Variants in ADAMTS18 observed in about 807,000 individuals in gnomAD.
ADAMTS18 encodes ADAM metallopeptidase with thrombospondin type 1 motif 18, also known as A disintegrin and metalloproteinase with thrombospondin motifs 18.
In ADAMTS18, 157 loss-of-function variants were observed where a neutral mutation model predicts 165.9. The ratio of observed to expected loss-of-function variants is 0.95; its 90% CI spans 0.83 to 1.08. ADAMTS18 has a LOEUF of 1.08. ADAMTS18 is among the 50% of genes least tolerant of loss of function. The probability of loss-of-function intolerance (pLI) is 0.00; values close to 1 mark genes in which losing one functional copy is unlikely to be tolerated. For missense variants in ADAMTS18, 2,040 were observed against 1,534.0 expected (o/e 1.33, Z -5.51); for synonymous variants, 782 against 578.2 (o/e 1.35, Z -5.06).
At chr16:77,332,914 T>G (rs1170862306) in intron 12 of ADAMTS18, among the ~76,000 whole-genome samples, 2 of 152,210 alleles carry the variant, frequency 1.3e-5, no homozygotes, top group East Asian at 3.9e-4. Context: ...TTTCCGTATT[T>G]CTGGTTTCTC....
chr16:77,400,973 T>C (rs2057324105), intron 3 of ADAMTS18, among the ~76,000 whole-genome samples: 1 of 152,042 alleles, frequency 6.6e-6, no homozygotes, highest in African/African-American at 2.4e-5. Flanking sequence ...AGAAACCAAA[T>C]TGCCAGGCAT....
intron 3 of ADAMTS18, among the ~76,000 whole-genome samples, chr16:77,389,572 G>C (rs1188672422): frequency 6.6e-6 from 1 of 152,178 alleles, no homozygotes; most frequent in Non-Finnish European, 1.5e-5. Flanking sequence ...AGGGTAGTCA[G>C]TTTCTTACCA....
chr16:77,375,599 G>C (rs77340045), intron 3 of ADAMTS18, among the ~76,000 whole-genome samples: 1 of 152,160 alleles, frequency 6.6e-6, no homozygotes, highest in Non-Finnish European at 1.5e-5. Flanking sequence ...GGAGCGGAAG[G>C]GGTGGTGAGA....
intron 3 of ADAMTS18, among the ~76,000 whole-genome samples, chr16:77,385,862 G>C (rs552659407): frequency 1.3e-5 from 2 of 152,006 alleles, no homozygotes; most frequent in East Asian, 1.9e-4. Context: ...CCTGCCTTGA[G>C]GTAAAACAAA....
intron 3 of ADAMTS18, among the ~76,000 whole-genome samples, chr16:77,389,024 G>A (rs1405593613): frequency 1.3e-5 from 2 of 152,206 alleles, no homozygotes; most frequent in African/African-American, 4.8e-5. Context: ...AGTAGGCTGG[G>A]CACAGTGGCT....
intron 2 of ADAMTS18, among the ~76,000 whole-genome samples, chr16:77,431,959 T>C (rs112596087): frequency 0.011 from 1,627 of 152,264 alleles, 29 homozygotes; most frequent in African/African-American, 0.037. Flanking sequence ...CACAGAACCA[T>C]TCATATATAT....
Position 77,341,816 on chromosome 16 carries a change from G to A in ADAMTS18, c.1615-17C>T. On this transcript the variant is annotated splice_polypyrimidine_tract_variant and intron_variant, in intron 10 of 22. Coordinates refer to ENST00000282849, the MANE Select transcript of ADAMTS18 (RefSeq NM_199355.4). Reference sequence around the variant, plus strand: ...GCAAATATCCTGAAATAAAAAAAAAGGGGGGTGCTGTTAATGGTGATATAC... The same window carrying A: ...GCAAATATCCTGAAATAAAAAAAAAAGGGGGTGCTGTTAATGGTGATATAC... The A allele has an allele frequency of 2.6e-6, 4 of 1,561,242 alleles. No individual in the cohort carries two copies. Among genetic ancestry groups the A allele is most frequent in the East Asian group, 2.3e-5 (1 of 44,074 alleles).
At chr16:77,388,903 G>A (rs74822287) in intron 3 of ADAMTS18, among the ~76,000 whole-genome samples, 2,531 of 152,310 alleles carry the variant, frequency 0.017, 56 homozygotes, top group African/African-American at 0.058. Context: ...TGTCCAAATG[G>A]TACTTTTGTG....
At chr16:77,404,198 A>G (rs1461895561) in intron 3 of ADAMTS18, among the ~76,000 whole-genome samples, 5 of 152,242 alleles carry the variant, frequency 3.3e-5, no homozygotes, top group Non-Finnish European at 7.3e-5. Flanking sequence ...ACGTGAATGA[A>G]TAAATCAAGA....
chr16:77,412,022 T>C (rs1466961893), intron 3 of ADAMTS18, among the ~76,000 whole-genome samples: 1 of 151,806 alleles, frequency 6.6e-6, no homozygotes, highest in Non-Finnish European at 1.5e-5. Context: ...TCTGGGTGTG[T>C]CTGTGAGGGT....
intron 3 of ADAMTS18, among the ~76,000 whole-genome samples, chr16:77,396,029 T>C (rs1197074542): frequency 2.0e-5 from 3 of 152,172 alleles, no homozygotes; most frequent in Non-Finnish European, 4.4e-5. Flanking sequence ...ACAAGACCAT[T>C]AATATTTTGT....
At chr16:77,359,952 A>T (rs926473922) in intron 7 of ADAMTS18, among the ~76,000 whole-genome samples, 1 of 152,202 alleles carries the variant, frequency 6.6e-6, no homozygotes, top group African/African-American at 2.4e-5. Flanking sequence ...GTTCTTTATA[A>T]TGTGGTAAGT....
At chr16:77,307,947 C>G (rs763317249) in intron 16 of ADAMTS18, among the ~76,000 whole-genome samples, 1 of 152,142 alleles carries the variant, frequency 6.6e-6, no homozygotes, top group Non-Finnish European at 1.5e-5. Context: ...CCCCACCACC[C>G]TGTCATCTCC....
At chr16:77,424,400 A>T (rs544135350) in intron 3 of ADAMTS18, among the ~76,000 whole-genome samples, 418 of 151,982 alleles carry the variant, frequency 2.8e-3, no homozygotes, top group African/African-American at 9.7e-3. Context: ...CCCGTGAGGC[A>T]GAGGTTGCAG....
Position 77,295,016 on chromosome 16 carries a change from C to T in ADAMTS18, c.2913G>A (p.Leu971=). 6.2e-7 allele frequency: 1 copy of T among 1,614,174 alleles called. No homozygotes were observed. Among genetic ancestry groups the T allele is most frequent in the Admixed American group, 1.7e-5 (1 of 60,014 alleles). ...GTGTGCTCACTGGACAGAGAGAATG[C>T]AACACTGCTTCCTCCTTTTGGAAGG... ...KKPFQKEEAV[L]HSLCPVSTPT... The change falls in exon 19 of 23, where the codon TTG becomes TTA. Residue 971 remains leucine, a synonymous_variant. Coordinates refer to ENST00000282849, the MANE Select transcript of ADAMTS18 (RefSeq NM_199355.4).
chr16:77,358,978 T>G (rs910749081), intron 8 of ADAMTS18, among the ~76,000 whole-genome samples: 2 of 152,228 alleles, frequency 1.3e-5, no homozygotes, highest in African/African-American at 4.8e-5. Flanking sequence ...CTTTGGGAAT[T>G]AATTTTTCTC....
intron 18 of ADAMTS18, among the ~76,000 whole-genome samples, chr16:77,295,780 G>T (rs1434062153): frequency 1.3e-5 from 2 of 151,922 alleles, no homozygotes; most frequent in Non-Finnish European, 2.9e-5. Flanking sequence ...AAATTTGCCA[G>T]ACCAGTTTTT....
At chr16:77,433,793 C>G (rs1456131927) in intron 2 of ADAMTS18, among the ~76,000 whole-genome samples, 1 of 152,104 alleles carries the variant, frequency 6.6e-6, no homozygotes, top group Non-Finnish European at 1.5e-5. Flanking sequence ...TCCCTCTGGG[C>G]TCCACTGGGA....
chr16:77,317,910 GA>G (rs1403936666), intron 16 of ADAMTS18, among the ~76,000 whole-genome samples: 1 of 152,108 alleles, frequency 6.6e-6, no homozygotes, highest in African/African-American at 2.4e-5. Context: ...AGCTACCTCT[GA>G]AAAATTGCCT....
Sources: gnomAD v4.1 joint callset for allele counts (sites outside exome capture counted in the v4.1 genomes callset) on GRCh38, gnomAD v4.1.1 for gene constraint, MANE v1.5 for transcripts, NCBI Gene and HGNC (gene_info 2026-07-23, HGNC 2026-07-21) for gene names.